Variants in FHIT observed in about 807,000 individuals in gnomAD.
FHIT encodes the protein fragile histidine triad diadenosine triphosphatase.
FHIT carries 19 observed loss-of-function variants against 17.9 expected under a neutral mutation model. The ratio of observed to expected loss-of-function variants is 1.06; its 90% CI spans 0.74 to 1.56. The LOEUF (loss-of-function observed/expected upper bound fraction) is 1.56. Among genes scored for constraint, FHIT ranks in the 40% most tolerant of loss-of-function variants. FHIT has a pLI of 0.00. For missense variants in FHIT, 248 were observed against 189.2 expected (o/e 1.31, Z -1.82); for synonymous variants, 81 against 69.7 (o/e 1.16, Z -0.81).
intron 1 of FHIT, among the ~76,000 whole-genome samples, chr3:61,213,524 C>T (rs1047716098): frequency 2.0e-5 from 3 of 152,174 alleles, no homozygotes; most frequent in Non-Finnish European, 1.5e-5. Context: ...GAGTGACCTA[C>T]AAAGAGACTT....
intron 4 of FHIT, among the ~76,000 whole-genome samples, chr3:60,645,891 T>C (rs2039845094): frequency 6.6e-6 from 1 of 152,180 alleles, no homozygotes; most frequent in Non-Finnish European, 1.5e-5. Flanking sequence ...AAAGCTTACC[T>C]TGAGAATTTT....
intron 5 of FHIT, among the ~76,000 whole-genome samples, chr3:60,364,948 T>A (rs1399460666): frequency 1.3e-5 from 2 of 152,060 alleles, no homozygotes; most frequent in Non-Finnish European, 2.9e-5. Context: ...TAGGCTTTCT[T>A]GGTTATCCAG....
intron 1 of FHIT, among the ~76,000 whole-genome samples, chr3:61,202,506 C>T (rs1437709828): frequency 8.2e-5 from 10 of 121,920 alleles, no homozygotes; most frequent in East Asian, 2.8e-4. Context: ...TTTACTTTTT[C>T]GTTAAAAAAA....
chr3:60,589,801 C>T (rs578012662), intron 4 of FHIT, among the ~76,000 whole-genome samples: 9 of 152,192 alleles, frequency 5.9e-5, no homozygotes, highest in East Asian at 1.9e-4. Context: ...TTTGCCACTT[C>T]GACTTCTTAC....
intron 4 of FHIT, among the ~76,000 whole-genome samples, chr3:60,672,874 C>CATGTGTGTGTGTGTGTGTGTGTGTGTGT (rs71092628): frequency 1.0e-4 from 14 of 139,518 alleles, no homozygotes; most frequent in Admixed American, 2.9e-4. Flanking sequence ...CTCTTTGTAG[C>CATGTGTGTGTGTGTGTGTGTGTGTGTGT]GTGTGTGTGT....
chr3:59,802,413 T>G (rs1003311315), intron 8 of FHIT, among the ~76,000 whole-genome samples: 4 of 152,160 alleles, frequency 2.6e-5, no homozygotes, highest in Non-Finnish European at 4.4e-5. Flanking sequence ...TACATCCAGA[T>G]GGCCTGAAGT....
chr3:61,049,685 A>C (rs1410155393), intron 2 of FHIT, among the ~76,000 whole-genome samples: 1 of 152,160 alleles, frequency 6.6e-6, no homozygotes, highest in Non-Finnish European at 1.5e-5. Flanking sequence ...CTCCAGACTA[A>C]ATACCAGGTT....
At chr3:61,074,670 T>C (rs2034916424) in intron 2 of FHIT, among the ~76,000 whole-genome samples, 1 of 152,124 alleles carries the variant, frequency 6.6e-6, no homozygotes, top group South Asian at 2.1e-4. Context: ...CTAATGTCAA[T>C]TACCTCTCTT....
intron 7 of FHIT, among the ~76,000 whole-genome samples, chr3:59,978,495 T>C (rs1032362145): frequency 6.6e-6 from 1 of 151,780 alleles, no homozygotes; most frequent in Admixed American, 6.6e-5. Context: ...TTACTATAAA[T>C]ATTAGAGGCT....
At chr3:60,201,848 GA>G (rs5849343) in intron 5 of FHIT, among the ~76,000 whole-genome samples, 138,701 of 147,934 alleles carry the variant, frequency 0.94, 65,005 homozygotes, top group East Asian at 0.99. Context: ...GTCTCAGGGA[GA>G]AAAAAAAAAA....
chr3:60,805,670 C>G (rs1373882946), intron 4 of FHIT, among the ~76,000 whole-genome samples: 1 of 152,114 alleles, frequency 6.6e-6, no homozygotes, highest in Non-Finnish European at 1.5e-5. Flanking sequence ...ATTCTCCTGC[C>G]TTAGCCTCCC....
chr3:60,157,423 G>T (rs1700750269), intron 5 of FHIT, among the ~76,000 whole-genome samples: 1 of 152,162 alleles, frequency 6.6e-6, no homozygotes, highest in South Asian at 2.1e-4. Context: ...TAAAATGAGA[G>T]TTTTGATTAG....
intron 3 of FHIT, among the ~76,000 whole-genome samples, chr3:61,034,302 A>G (rs1299291882): frequency 6.6e-6 from 1 of 152,206 alleles, no homozygotes; most frequent in Non-Finnish European, 1.5e-5. Flanking sequence ...TACATCAAAG[A>G]CATTATCAAA....
At chr3:61,183,291 A>T (rs2038400384) in intron 2 of FHIT, among the ~76,000 whole-genome samples, 1 of 139,478 alleles carries the variant, frequency 7.2e-6, no homozygotes, top group South Asian at 2.4e-4. Context: ...AAAAGCGAGT[A>T]AGTGACTCTG....
intron 5 of FHIT, among the ~76,000 whole-genome samples, chr3:60,290,244 C>A (rs1707919528): frequency 1.3e-5 from 2 of 152,144 alleles, no homozygotes; most frequent in African/African-American, 4.8e-5. Context: ...CTGTGCTTGA[C>A]AGCTTCTAAA....
intron 5 of FHIT, among the ~76,000 whole-genome samples, chr3:60,175,337 G>A (rs916376584): frequency 6.6e-6 from 1 of 152,126 alleles, no homozygotes; most frequent in South Asian, 2.1e-4. Context: ...GTGGAATGCT[G>A]AATAGGGTGA....
chr3:60,838,879 T>A (rs1702623251), intron 3 of FHIT, among the ~76,000 whole-genome samples: 1 of 151,946 alleles, frequency 6.6e-6, no homozygotes, highest in South Asian at 2.1e-4. Flanking sequence ...CTTGAGAGAA[T>A]CAGTGAAAAC....
At chr3:60,210,481 T>C (rs530345088) in intron 5 of FHIT, among the ~76,000 whole-genome samples, 4 of 151,866 alleles carry the variant, frequency 2.6e-5, no homozygotes, top group Admixed American at 6.6e-5. Context: ...CAGAAACAAA[T>C]TGGGAGAACA....
chr3:60,333,217 T>C (rs529014351), intron 5 of FHIT, among the ~76,000 whole-genome samples: 62 of 152,370 alleles, frequency 4.1e-4, no homozygotes, highest in South Asian at 1.2e-3. Context: ...AGAGCACTTG[T>C]ATCTAATCGA....
Sources: allele counts gnomAD v4.1 joint callset (sites outside exome capture counted in the v4.1 genomes callset), GRCh38; gene constraint gnomAD v4.1.1; transcripts MANE v1.5; gene names NCBI Gene and HGNC (gene_info 2026-07-23, HGNC 2026-07-21).